Variants in RALGAPA2 observed in about 807,000 individuals in gnomAD.
The protein encoded by RALGAPA2 is ral GTPase-activating protein subunit alpha-2.
In RALGAPA2, 139 loss-of-function variants were observed where a neutral mutation model predicts 230.4. The observed-to-expected ratio is 0.60, with a 90% CI of 0.53 to 0.69. RALGAPA2 has a LOEUF of 0.69. Ranked by LOEUF, RALGAPA2 falls within the 30% of genes least tolerant of loss-of-function variation. The pLI is 0.00. For synonymous variants in RALGAPA2, 847 were observed against 837.8 expected (o/e 1.01, Z -0.19); for missense variants, 2,163 against 2,276.0 (o/e 0.95, Z 1.01).
chr20:20,702,744 T>C (rs2069435570), intron 1 of RALGAPA2, among the ~76,000 whole-genome samples: 1 of 152,212 alleles, frequency 6.6e-6, no homozygotes, highest in Non-Finnish European at 1.5e-5. Context: ...ACAAGTACCA[T>C]GCTTGTACTT....
chr20:20,487,484 T>A (rs937854583), intron 36 of RALGAPA2, among the ~76,000 whole-genome samples: 2 of 152,222 alleles, frequency 1.3e-5, no homozygotes, highest in South Asian at 4.1e-4. Flanking sequence ...GCCCCTGGAC[T>A]GTGACCTTCA....
intron 23 of RALGAPA2, among the ~76,000 whole-genome samples, chr20:20,549,401 G>A (rs1301918214): frequency 1.3e-5 from 2 of 152,132 alleles, no homozygotes; most frequent in Non-Finnish European, 2.9e-5. Flanking sequence ...GCTACTATGA[G>A]CAAGAAGGTT....
At chr20:20,454,290 T>G (rs115453209) in intron 37 of RALGAPA2, among the ~76,000 whole-genome samples, 1 of 152,146 alleles carries the variant, frequency 6.6e-6, no homozygotes, top group South Asian at 2.1e-4. Context: ...TAAAATACAG[T>G]GTGTCATTCA....
intron 24 of RALGAPA2, among the ~76,000 whole-genome samples, chr20:20,541,713 T>C (rs1025581625): frequency 1.1e-4 from 16 of 152,330 alleles, no homozygotes; most frequent in African/African-American, 3.4e-4. Flanking sequence ...CTGTGGTAAC[T>C]GATATCAGAA....
chr20:20,659,670 A>G, intron 3 of RALGAPA2: 2 of 344,348 alleles, frequency 5.8e-6, no homozygotes, highest in South Asian at 2.9e-5. Flanking sequence ...TAAAAATATT[A>G]TAATAAAATA....
intron 36 of RALGAPA2, among the ~76,000 whole-genome samples, chr20:20,493,719 CTTATA>C (rs1163679539): frequency 1.3e-5 from 2 of 152,122 alleles, no homozygotes; most frequent in African/African-American, 4.8e-5. Context: ...CACTGGTTCT[CTTATA>C]TTAAAATTTT....
intron 38 of RALGAPA2, 87 bp downstream of exon 38, chr20:20,411,940 C>T: frequency 1.3e-6 from 2 of 1,510,842 alleles, no homozygotes; most frequent in East Asian, 4.6e-5. Flanking sequence ...CTTAAATTTG[C>T]AAAGCATTTA....
chr20:20,705,697 C>T (rs2069572290), intron 1 of RALGAPA2, among the ~76,000 whole-genome samples: 1 of 151,454 alleles, frequency 6.6e-6, no homozygotes, highest in African/African-American at 2.4e-5. Flanking sequence ...TTTTGAGAGT[C>T]TTACTCTGTT....
At chr20:20,446,546 A>T in intron 37 of RALGAPA2, among the ~76,000 whole-genome samples, 1 of 152,236 alleles carries the variant, frequency 6.6e-6, no homozygotes, top group East Asian at 1.9e-4. Flanking sequence ...GAAGCAAAAG[A>T]AATGACAGTA....
chr20:20,524,970 C>G, intron 28 of RALGAPA2, 72 bp from the exon 29 acceptor site: 1 of 1,391,876 alleles, frequency 7.2e-7, no homozygotes, highest in Non-Finnish European at 9.8e-7. Flanking sequence ...TTAGGAGTCC[C>G]ACGATGGCCT....
chr20:20,470,184 C>T lies in RALGAPA2; in HGVS notation c.5495+2645G>A, dbSNP rs1387694609. 4.6e-5 allele frequency among the ~76,000 whole-genome samples: 7 copies of T among 152,184 alleles called. No individual in the cohort carries two copies. In the East Asian group the frequency reaches 1.2e-3, roughly 25 times the overall value. ...ATATTGATTCTAACTGCATTTACTTCTCAAAAAGACCCCCAAAGGGAAAAT... is the reference window on the plus strand; with the variant it reads ...ATATTGATTCTAACTGCATTTACTTTTCAAAAAGACCCCCAAAGGGAAAAT... On this transcript the variant is annotated intron_variant, in intron 37 of 39. Coordinates refer to ENST00000202677, the MANE Select transcript of RALGAPA2 (RefSeq NM_020343.4).
At chr20:20,451,624 T>A (rs532449763) in intron 37 of RALGAPA2, among the ~76,000 whole-genome samples, 2 of 152,336 alleles carry the variant, frequency 1.3e-5, no homozygotes, top group Non-Finnish European at 2.9e-5. Context: ...AATATTTTGA[T>A]CACTACTTCA....
intron 19 of RALGAPA2, 114 bp from the exon 20 acceptor site, chr20:20,583,340 A>G: frequency 8.4e-7 from 1 of 1,184,736 alleles, no homozygotes. Flanking sequence ...GGAATCATTC[A>G]TGTTCTTTGG....
intron 36 of RALGAPA2, among the ~76,000 whole-genome samples, chr20:20,483,908 T>G (rs1401011215): frequency 1.3e-5 from 2 of 152,172 alleles, no homozygotes; most frequent in Admixed American, 1.3e-4. Context: ...ATACGGACCT[T>G]GAGCTGATCT....
At chr20:20,660,753 CTAA>C (rs1302951687) in intron 3 of RALGAPA2, among the ~76,000 whole-genome samples, 1 of 152,098 alleles carries the variant, frequency 6.6e-6, no homozygotes, top group Non-Finnish European at 1.5e-5. Context: ...AATGAAATCC[CTAA>C]TAATTGCTTT....
intron 37 of RALGAPA2, among the ~76,000 whole-genome samples, chr20:20,436,791 T>A (rs10460649): frequency 1.3e-5 from 2 of 152,212 alleles, no homozygotes; most frequent in Admixed American, 1.3e-4. Flanking sequence ...AGCCCCAGGC[T>A]CCTGGAAGGG....
intron 38 of RALGAPA2, among the ~76,000 whole-genome samples, chr20:20,401,346 C>T (rs1160114684): frequency 1.3e-5 from 2 of 152,092 alleles, no homozygotes; most frequent in Non-Finnish European, 2.9e-5. Flanking sequence ...ATGAGGGCAG[C>T]TGTGAGGTTC....
chr20:20,582,923 G>T lies in RALGAPA2; in HGVS notation c.2707+127C>A, dbSNP rs576598269. 6.9e-4 allele frequency: 661 copies of T among 955,354 alleles called. 6 individuals carry two copies. In the South Asian group the frequency reaches 8.9e-3, roughly 13 times the overall value. 59.2% of individuals were successfully genotyped at this position (955,354 alleles called of 1,614,324 possible). A position where few individuals can be genotyped will look rare whatever the true frequency, so the allele number is the denominator to read the frequency against. Reference sequence around the variant, plus strand: ...CCATCACTTCCTCCTATGGTGGACAGTGGTCAGGAGCATGGCACACTTCCT... The same window carrying T: ...CCATCACTTCCTCCTATGGTGGACATTGGTCAGGAGCATGGCACACTTCCT... On this transcript the variant is annotated intron_variant, in intron 20 of 39. Coordinates refer to ENST00000202677, the MANE Select transcript of RALGAPA2 (RefSeq NM_020343.4).
At chr20:20,433,906 C>T (rs1470513175) in intron 37 of RALGAPA2, among the ~76,000 whole-genome samples, 1 of 152,192 alleles carries the variant, frequency 6.6e-6, no homozygotes, top group African/African-American at 2.4e-5. Context: ...TAACAAAATA[C>T]TGCATGATAT....
Sources: gnomAD v4.1 joint callset for allele counts (sites outside exome capture counted in the v4.1 genomes callset) on GRCh38, gnomAD v4.1.1 for gene constraint, MANE v1.5 for transcripts, NCBI Gene and HGNC (gene_info 2026-07-23, HGNC 2026-07-21) for gene names.